Variants in COL23A1 observed in about 807,000 individuals in gnomAD.
COL23A1 encodes collagen alpha-1(XXIII) chain.
COL23A1 carries 97 observed loss-of-function variants against 99.3 expected under a neutral mutation model. The observed-to-expected ratio is 0.98, with a 90% confidence interval of 0.83 to 1.16. COL23A1 has a LOEUF of 1.16. COL23A1 is among the 50% of genes most tolerant of loss of function. The pLI, the probability that COL23A1 is intolerant of heterozygous loss-of-function variation, is 0.00. For synonymous variants in COL23A1, 320 were observed against 308.2 expected, an observed-to-expected ratio of 1.04 and a Z score of -0.40; for missense variants, 762 against 757.4, an observed-to-expected ratio of 1.01 and a Z score of -0.07.
At chr5:178,267,436 T>A in intron 7 of COL23A1, 103 bp from the exon 8 acceptor site, 1 of 1,173,404 alleles carries the variant, frequency 8.5e-7, no homozygotes, top group Non-Finnish European at 1.2e-6. Context: ...TGGTATGACT[T>A]AATTCCAACA....
At chr5:178,285,545 A>G (rs185750816) in intron 5 of COL23A1, among the ~76,000 whole-genome samples, 20 of 152,374 alleles carry the variant, frequency 1.3e-4, no homozygotes, top group African/African-American at 4.8e-4. Context: ...GAGACTGTCA[A>G]CGATGAGGAA....
intron 2 of COL23A1, among the ~76,000 whole-genome samples, chr5:178,526,357 C>A (rs1031801705): frequency 6.6e-6 from 1 of 152,178 alleles, no homozygotes; most frequent in Non-Finnish European, 1.5e-5. Flanking sequence ...GACAGGCTCA[C>A]GGGACATGTA....
intron 2 of COL23A1, among the ~76,000 whole-genome samples, chr5:178,350,202 G>T (rs1403428924): frequency 6.6e-6 from 1 of 152,200 alleles, no homozygotes; most frequent in Non-Finnish European, 1.5e-5. Flanking sequence ...CCTCCTCCAG[G>T]ACGCCCACCT....
At chr5:178,298,641 T>C (rs1465999606) in intron 3 of COL23A1, among the ~76,000 whole-genome samples, 2 of 152,172 alleles carry the variant, frequency 1.3e-5, no homozygotes, top group Non-Finnish European at 2.9e-5. Flanking sequence ...TGAGCCTCTC[T>C]TCCTCTCCCA....
chr5:178,368,584 C>T (rs1291630478), intron 2 of COL23A1, among the ~76,000 whole-genome samples: 1 of 152,210 alleles, frequency 6.6e-6, no homozygotes, highest in African/African-American at 2.4e-5. Flanking sequence ...GTAGTCTAAG[C>T]TCCATCCATA....
At chr5:178,356,104 G>A (rs565042711) in intron 2 of COL23A1, among the ~76,000 whole-genome samples, 16 of 152,204 alleles carry the variant, frequency 1.1e-4, no homozygotes, top group Admixed American at 3.3e-4. Context: ...AGTGACAGAC[G>A]CAGGCACAGA....
At chr5:178,239,306 AC>A (rs1764268751) in intron 27 of COL23A1, 127 bp from the exon 28 acceptor site, 2 of 1,038,346 alleles carry the variant, frequency 1.9e-6, no homozygotes, top group African/African-American at 3.1e-5. Context: ...GCTGGGCCCC[AC>A]TGAGGCAGGG....
At chr5:178,344,504 G>A (rs1325667867) in intron 2 of COL23A1, among the ~76,000 whole-genome samples, 1 of 152,154 alleles carries the variant, frequency 6.6e-6, no homozygotes, top group African/African-American at 2.4e-5. Context: ...AGGTCTGGTG[G>A]CGTGCCCTTG....
chr5:178,581,914 AT>A (rs1169168830), intron 1 of COL23A1, among the ~76,000 whole-genome samples: 2 of 152,180 alleles, frequency 1.3e-5, no homozygotes, highest in African/African-American at 4.8e-5. Context: ...GTAAGCAAAT[AT>A]CTGTCTACAT....
At chr5:178,364,116 C>T (rs1210890871) in intron 2 of COL23A1, among the ~76,000 whole-genome samples, 2 of 152,218 alleles carry the variant, frequency 1.3e-5, no homozygotes, top group Admixed American at 1.3e-4. Context: ...CTTCTTTGAT[C>T]TTGTGCCACA....
Position 178,584,141 on chromosome 5 carries a change from C to T in COL23A1, c.294+5763G>A, listed in dbSNP as rs574198607. ...AGTGATTCTCGTGCCTCCCAAGTAG[C>T]TGGGATTACAGGCACATGTCACCAT... On this transcript the variant is annotated intron_variant, in intron 1 of 28. Coordinates refer to ENST00000390654, the MANE Select transcript of COL23A1 (RefSeq NM_173465.4). Among the ~76,000 whole-genome samples the T allele has an allele frequency of 3.9e-3, 596 of 152,252 alleles. 7 individuals are homozygous for T. The highest frequency in any genetic ancestry group is 7.3e-3 in the Non-Finnish European group (496 of 68,002).
intron 5 of COL23A1, among the ~76,000 whole-genome samples, chr5:178,270,654 C>T (rs1756238461): frequency 6.6e-6 from 1 of 152,190 alleles, no homozygotes; most frequent in African/African-American, 2.4e-5. Context: ...ACCGCATTCC[C>T]TCCGCCAGGG....
At chr5:178,493,838 G>A (rs1483532265) in intron 2 of COL23A1, among the ~76,000 whole-genome samples, 1 of 152,214 alleles carries the variant, frequency 6.6e-6, no homozygotes, top group Non-Finnish European at 1.5e-5. Flanking sequence ...CCTTGGCAGG[G>A]TCTTCTGCAG....
chr5:178,400,275 G>A (rs911093403), intron 2 of COL23A1, among the ~76,000 whole-genome samples: 8 of 148,058 alleles, frequency 5.4e-5, no homozygotes, highest in Admixed American at 4.9e-4. Flanking sequence ...GCTGAGGCAG[G>A]AGAATGGCGT....
At chr5:178,250,211 T>C in intron 17 of COL23A1, 106 bp from the exon 18 acceptor site, 1 of 1,311,576 alleles carries the variant, frequency 7.6e-7, no homozygotes, top group Non-Finnish European at 1.1e-6. Context: ...GGTGGGTCTT[T>C]GCAGTTGGAC....
intron 2 of COL23A1, among the ~76,000 whole-genome samples, chr5:178,553,462 T>C (rs1312747299): frequency 1.3e-5 from 2 of 152,226 alleles, no homozygotes; most frequent in African/African-American, 2.4e-5. Context: ...TTATTATTCA[T>C]TTCTGGAAAA....
At chr5:178,541,981 C>G (rs1053632883) in intron 2 of COL23A1, among the ~76,000 whole-genome samples, 2 of 152,186 alleles carry the variant, frequency 1.3e-5, no homozygotes, top group African/African-American at 4.8e-5. Flanking sequence ...CAGGTGTGAG[C>G]TGCAAACTTA....
At chr5:178,474,926 C>A (rs1756949105) in intron 2 of COL23A1, among the ~76,000 whole-genome samples, 1 of 152,220 alleles carries the variant, frequency 6.6e-6, no homozygotes, top group South Asian at 2.1e-4. Flanking sequence ...GGGCAGGGCC[C>A]CACTCCCTCT....
At chr5:178,560,496 G>A (rs147213954) in intron 2 of COL23A1, among the ~76,000 whole-genome samples, 186 bp downstream of exon 2, 2,511 of 152,262 alleles carry the variant, frequency 0.016, 29 homozygotes, top group Non-Finnish European at 0.027. Flanking sequence ...AACCGAGTCC[G>A]TTTACTTTGC....
Sources: gnomAD v4.1 joint callset for allele counts (sites outside exome capture counted in the v4.1 genomes callset) on GRCh38, gnomAD v4.1.1 for gene constraint, MANE v1.5 for transcripts, NCBI Gene and HGNC (gene_info 2026-07-23, HGNC 2026-07-21) for gene names.